PLBD2: variants seen among roughly 807,000 people sequenced by gnomAD.
PLBD2 encodes the protein phospholipase B domain containing 2.
A neutral mutation model predicts 68.3 loss-of-function variants in PLBD2; 51 were observed. That is an observed-to-expected ratio of 0.75 (90% CI 0.60 to 0.94). The LOEUF is 0.94. Ranked by LOEUF, PLBD2 falls within the 40% of genes least tolerant of loss-of-function variation. The pLI is 0.00. For missense variants in PLBD2, 729 were observed against 792.2 expected, an observed-to-expected ratio of 0.92 and a Z score of 0.96; for synonymous variants, 314 against 339.3, an observed-to-expected ratio of 0.93 and a Z score of 0.82.
At chr12:113,362,330 T>TAA (rs748737757) in intron 1 of PLBD2, among the ~76,000 whole-genome samples, 1 of 123,980 alleles carries the variant, frequency 8.1e-6, no homozygotes, top group African/African-American at 3.0e-5. Flanking sequence ...CTGTCTCAAA[T>TAA]AAAAAAAAAA....
At chr12:113,370,329 G>C (rs1593282029) in intron 2 of PLBD2, among the ~76,000 whole-genome samples, 1 of 152,066 alleles carries the variant, frequency 6.6e-6, no homozygotes, top group Non-Finnish European at 1.5e-5. Flanking sequence ...GGAGGCAGGG[G>C]CTTAGGGGAT....
In PLBD2 at chr12:113,391,134, A is replaced by G. The variant is rs746466699; in HGVS notation, c.*2508A>G. 1.3e-5 allele frequency: 2 copies of G among 152,100 alleles called. No homozygotes were observed. The highest frequency in any genetic ancestry group is 4.8e-5 in the African/African-American group (2 of 41,416). The allele number at this position is 152,100 out of a possible 1,614,324, so 9.4% of individuals were successfully genotyped here. A position where few individuals can be genotyped will look rare whatever the true frequency, so the allele number is the denominator to read the frequency against. ...AGACCTTCCTAAGCCATATTGTGGT[A>G]TACAGACAGATACAAAAAAAAAGGC... On this transcript the variant is annotated 3_prime_UTR_variant, in exon 12 of 12. Coordinates refer to ENST00000280800, the MANE Select transcript of PLBD2 (RefSeq NM_173542.4).
rs553407442 is a variant in PLBD2, at chr12:113,384,285, T to C, written c.1118+20T>C. The C allele has an allele frequency of 4.4e-6, 7 of 1,597,656 alleles. No individual in the cohort carries two copies. In the African/African-American group the frequency reaches 8.0e-5, roughly 18 times the overall value. On this transcript the variant is annotated intron_variant, in intron 7 of 11. Transcript: ENST00000280800. This position sits in a 1 kb window ranked among gnomAD's most constrained non-coding sequence, Gnocchi z 4.2. ...CGGCACGTGAGTGGGCTTCTGGCCC[T>C]GTGGCTTCCCCTGCACCAAGAGATA... is the stretch of plus-strand genomic sequence containing the variant.
rs1957529345 is a variant in PLBD2, at chr12:113,384,450, C to T, written c.1118+185C>T. Among the ~76,000 whole-genome samples, 1 of 152,184 alleles carries T rather than the reference C, an allele frequency of 6.6e-6. No homozygotes were observed. Among genetic ancestry groups the T allele is most frequent in the African/African-American group, 2.4e-5 (1 of 41,442 alleles). ...GGATTTGCCCCTCCCCTGCAGGCTC[C>T]TCAGCCTAGGAAGGGGTGCCTTGGT... On this transcript the variant is annotated intron_variant, in intron 7 of 11. Transcript: ENST00000280800. The surrounding 1 kb of genome is among the most constrained non-coding windows in gnomAD (Gnocchi z 4.2).
At chr12:113,386,519 A>ATT (rs35879677) in intron 9 of PLBD2, among the ~76,000 whole-genome samples, 49 of 126,812 alleles carry the variant, frequency 3.9e-4, no homozygotes, top group Middle Eastern at 4.2e-3. Context: ...ACGCCGGCTA[A>ATT]TTTTTTTTTT....
In PLBD2 at chr12:113,384,039, A is replaced by T; in HGVS notation, c.958-66A>T. ...AAAAAAATTTTTGGAGCCATGACTG[A>T]TGAAGTACTGCCACTTGGTGGCAGC... On this transcript the variant is annotated intron_variant, in intron 6 of 11. Coordinates refer to ENST00000280800, the MANE Select transcript of PLBD2 (RefSeq NM_173542.4). The surrounding 1 kb of genome is among the most constrained non-coding windows in gnomAD (Gnocchi z 4.2). 348 of 1,001,102 alleles carry T rather than the reference A, an allele frequency of 3.5e-4. No individual in the cohort carries two copies. Among genetic ancestry groups the T allele is most frequent in the Non-Finnish European group, 4.5e-4 (317 of 704,748 alleles). The allele number at this position is 1,001,102 out of a possible 1,614,324, so 62.0% of individuals were successfully genotyped here. A position where few individuals can be genotyped will look rare whatever the true frequency, so the allele number is the denominator to read the frequency against.
At chr12:113,374,013 TGCCTGCCCAAG>T (rs1190684548) in intron 3 of PLBD2, among the ~76,000 whole-genome samples, 1 of 152,074 alleles carries the variant, frequency 6.6e-6, no homozygotes, top group African/African-American at 2.4e-5. Flanking sequence ...GTGCCCAGTG[TGCCTGCCCAAG>T]GCCCCATGAG....
Position 113,388,618 on chromosome 12 carries a change from T to C in PLBD2, c.1762T>C (p.Trp588Arg). The C allele has an allele frequency of 1.3e-6, 2 of 1,588,498 alleles. No homozygotes were observed. The highest frequency in any genetic ancestry group is 1.7e-6 in the Non-Finnish European group (2 of 1,165,510). Residue 588 changes from tryptophan (W) to arginine (R), a missense_variant, in exon 12 of 12, where the codon TGG becomes CGG. By Grantham distance (101) the Trp-to-Arg change is moderately radical. Transcript: ENST00000280800. The stretch of plus-strand genomic sequence containing the variant: ...GAAGTTCGCGCCTGTCAAGGTTTCA[T>C]GGGACTGAAGTTCTGTCCCTGCTCT... ...LWKFAPVKVS[W>R]D
rs773201359 is a variant in PLBD2, at chr12:113,372,615, C to T, written c.385-34C>T. 5 of 1,599,782 alleles carry T rather than the reference C, an allele frequency of 3.1e-6. No individual in the cohort carries two copies. The highest frequency in any genetic ancestry group is 4.3e-6 in the Non-Finnish European group (5 of 1,170,724). On this transcript the variant is annotated intron_variant, in intron 2 of 11. Coordinates refer to ENST00000280800, the MANE Select transcript of PLBD2 (RefSeq NM_173542.4). The surrounding 1 kb of genome is among the most constrained non-coding windows in gnomAD (Gnocchi z 4.2). Reference sequence around the variant, plus strand: ...CTCAGGGAAGAGAGCACCCCAGCTGCCCGCCCTTGCCTCGCCCACCCCCTA... The same window carrying T: ...CTCAGGGAAGAGAGCACCCCAGCTGTCCGCCCTTGCCTCGCCCACCCCCTA...
chr12:113,390,633 A>G lies in PLBD2; in HGVS notation c.*2007A>G, dbSNP rs748432895. ...TTCCAACCATTTATCCACCCATCCA[A>G]CTATTTCCATCTGTTCATTTTCCAC... On this transcript the variant is annotated 3_prime_UTR_variant, in exon 12 of 12. Coordinates refer to ENST00000280800, the MANE Select transcript of PLBD2 (RefSeq NM_173542.4). The G allele has an allele frequency of 2.0e-5, 3 of 149,336 alleles. No homozygotes were observed. The highest frequency in any genetic ancestry group is 3.0e-5 in the Non-Finnish European group (2 of 67,540). 9.3% of individuals were successfully genotyped at this position (149,336 alleles called of 1,614,324 possible). A position where few individuals can be genotyped will look rare whatever the true frequency, so the allele number is the denominator to read the frequency against.
At position 113,386,921 on chromosome 12, in the gene PLBD2, T is replaced by A. The variant is rs1957558488; in HGVS notation, c.1287-16T>A. Reference sequence around the variant, plus strand: ...GGCCAGTGGGGGTCATGGGTGACCATCCTTGTCCCCGGCAGGTCCTTCGAG... The same window carrying A: ...GGCCAGTGGGGGTCATGGGTGACCAACCTTGTCCCCGGCAGGTCCTTCGAG... On this transcript the variant is annotated splice_polypyrimidine_tract_variant and intron_variant, in intron 9 of 11. Transcript: ENST00000280800. The A allele has an allele frequency of 1.9e-6, 3 of 1,612,394 alleles. No homozygotes were observed. In the South Asian group the frequency reaches 3.3e-5, roughly 18 times the overall value.
Position 113,372,056 on chromosome 12 carries a change from G to T in PLBD2, c.385-593G>T, listed in dbSNP as rs996158473. Among the ~76,000 whole-genome samples the T allele has an allele frequency of 1.3e-5, 2 of 152,194 alleles. No individual in the cohort carries two copies. The highest frequency in any genetic ancestry group is 4.8e-5 in the African/African-American group (2 of 41,448). On this transcript the variant is annotated intron_variant, in intron 2 of 11. Coordinates refer to ENST00000280800, the MANE Select transcript of PLBD2 (RefSeq NM_173542.4). This position sits in a 1 kb window ranked among gnomAD's most constrained non-coding sequence, Gnocchi z 4.2. Reference sequence around the variant, plus strand: ...CTTGAAGGATGAACAGGATTTGGATGTGTTTCAGTGAGATGGTGATGGAGC... The same window carrying T: ...CTTGAAGGATGAACAGGATTTGGATTTGTTTCAGTGAGATGGTGATGGAGC...
At chr12:113,363,760 A>T (rs1593278564) in intron 1 of PLBD2, among the ~76,000 whole-genome samples, 1 of 151,996 alleles carries the variant, frequency 6.6e-6, no homozygotes, top group East Asian at 1.9e-4. Context: ...GATGGTCTCG[A>T]TCTCCTGACC....
In PLBD2 at chr12:113,380,632, G is replaced by A. The variant is rs1345215414; in HGVS notation, c.860-113G>A. 1.4e-5 allele frequency: 11 copies of A among 768,114 alleles called. No individual in the cohort carries two copies. In the South Asian group the frequency reaches 1.7e-4, roughly 12 times the overall value. 47.6% of individuals were successfully genotyped at this position (768,114 alleles called of 1,614,324 possible). The stretch of plus-strand genomic sequence containing the variant: ...TAAATGACAAAAAGGACACAGTGGG[G>A]GCTTCCTCGGAGGCCTGCCTGTGCC... On this transcript the variant is annotated intron_variant, in intron 5 of 11. Transcript: ENST00000280800.
chr12:113,383,505 G>C (rs999252919), intron 6 of PLBD2, among the ~76,000 whole-genome samples: 7 of 152,010 alleles, frequency 4.6e-5, no homozygotes. Flanking sequence ...CATGATCTGG[G>C]CTCACTGCAA....
At position 113,384,069 on chromosome 12, in the gene PLBD2, C is replaced by T; in HGVS notation, c.958-36C>T. The T allele has an allele frequency of 6.5e-7, 1 of 1,549,466 alleles. No individual in the cohort carries two copies. On this transcript the variant is annotated intron_variant, in intron 6 of 11. Coordinates refer to ENST00000280800, the MANE Select transcript of PLBD2 (RefSeq NM_173542.4). This position sits in a 1 kb window ranked among gnomAD's most constrained non-coding sequence, Gnocchi z 4.2. ...GTACTGCCACTTGGTGGCAGCATGCCTAGGCTGTGCAGCAGCCCCCTTGAC... is the reference window on the plus strand; with the variant it reads ...GTACTGCCACTTGGTGGCAGCATGCTTAGGCTGTGCAGCAGCCCCCTTGAC...
At position 113,384,617 on chromosome 12, in the gene PLBD2, C is replaced by T. The variant is rs370942092; in HGVS notation, c.1119-234C>T. ...TGGGCAGTGCAGATCTTACAGCATCCGGCAGAGGAGCTGACCTAGGGAGCC... is the reference window on the plus strand; with the variant it reads ...TGGGCAGTGCAGATCTTACAGCATCTGGCAGAGGAGCTGACCTAGGGAGCC... On this transcript the variant is annotated intron_variant, in intron 7 of 11. Transcript: ENST00000280800. This position sits in a 1 kb window ranked among gnomAD's most constrained non-coding sequence, Gnocchi z 4.2. Among the ~76,000 whole-genome samples, 1 of 152,088 alleles carries T rather than the reference C, an allele frequency of 6.6e-6. No individual in the cohort carries two copies. The highest frequency in any genetic ancestry group is 1.5e-5 in the Non-Finnish European group (1 of 68,018).
chr12:113,371,728 C>T (rs550305708), intron 2 of PLBD2, among the ~76,000 whole-genome samples: 9 of 152,364 alleles, frequency 5.9e-5, no homozygotes, highest in African/African-American at 7.2e-5. Flanking sequence ...GAAGCATGTG[C>T]ACCTCCCCTG....
rs762655169 is a variant in PLBD2 at position 113,372,618 on chromosome 12, G to T, written c.385-31G>T. 1.4e-6 allele frequency: 2 copies of T among 1,461,438 alleles called. No individual in the cohort carries two copies. Among genetic ancestry groups the T allele is most frequent in the Admixed American group, 1.7e-5 (1 of 57,736 alleles). 90.5% of individuals were successfully genotyped at this position (1,461,438 alleles called of 1,614,324 possible). A position where few individuals can be genotyped will look rare whatever the true frequency, so the allele number is the denominator to read the frequency against. On this transcript the variant is annotated intron_variant, in intron 2 of 11. Transcript: ENST00000280800. The surrounding 1 kb of genome is among the most constrained non-coding windows in gnomAD (Gnocchi z 4.2). ...AGGGAAGAGAGCACCCCAGCTGCCC[G>T]CCCTTGCCTCGCCCACCCCCTACCC...
Sources: allele counts gnomAD v4.1 joint callset (sites outside exome capture counted in the v4.1 genomes callset), GRCh38; gene constraint gnomAD v4.1.1; non-coding constraint Gnocchi (gnomAD v3.1); transcripts MANE v1.5; gene names NCBI Gene and HGNC (gene_info 2026-07-23, HGNC 2026-07-21).